Variants in BUD13 observed in about 807,000 individuals in gnomAD.
BUD13 encodes BUD13 homolog.
In BUD13, 47 loss-of-function variants were observed where a neutral mutation model predicts 62.5. That is an observed-to-expected ratio of 0.75 (90% CI 0.60 to 0.96). The LOEUF (loss-of-function observed/expected upper bound fraction) is 0.96. Ranked by LOEUF, BUD13 falls within the 40% of genes least tolerant of loss-of-function variation. BUD13 has a pLI of 0.00. For missense variants in BUD13, 821 were observed against 790.9 expected (o/e 1.04, Z -0.46); for synonymous variants, 293 against 280.1 (o/e 1.05, Z -0.46).
chr11:116,771,202 T>C (rs916295630), intron 1 of BUD13, among the ~76,000 whole-genome samples: 1 of 152,228 alleles, frequency 6.6e-6, no homozygotes, highest in Non-Finnish European at 1.5e-5. Flanking sequence ...TAAGAACCCT[T>C]GTTAAAAACT....
At chr11:116,759,040 G>T in intron 6 of BUD13, 34 bp downstream of exon 6, 4 of 1,455,854 alleles carry the variant, frequency 2.7e-6, no homozygotes, top group African/African-American at 2.8e-5. Flanking sequence ...AACAGTATGA[G>T]CCTAAATTGG....
rs767610401 is a variant in BUD13, at chr11:116,763,132, TAGG to T, written c.454_456del (p.Pro152del). The T allele has an allele frequency of 1.6e-5, 25 of 1,597,104 alleles. No individual in the cohort carries two copies. The highest frequency in any genetic ancestry group is 1.2e-4 in the Admixed American group (7 of 59,502). On this transcript the variant is annotated inframe_deletion, in exon 4 of 10. Transcript: ENST00000260210. ...TCCGGGGTGTCATGACGGGCCCTCC[TAGG>T]AGATGGATCCGGGGTGTCATGACGG...
At chr11:116,760,202 T>C (rs890493813) in intron 5 of BUD13, among the ~76,000 whole-genome samples, 2 of 152,256 alleles carry the variant, frequency 1.3e-5, no homozygotes, top group Non-Finnish European at 2.9e-5. Context: ...ACTAGATGCT[T>C]ACTTTGTCCC....
chr11:116,772,204 G>T (rs973911977), intron 1 of BUD13, among the ~76,000 whole-genome samples: 2 of 152,116 alleles, frequency 1.3e-5, no homozygotes, highest in African/African-American at 4.8e-5. Context: ...GGTTCTGGGT[G>T]GAAAACGATT....
rs191104518 is a variant in BUD13, at chr11:116,771,225, T to C, written c.144-1003A>G. 3.4e-3 allele frequency among the ~76,000 whole-genome samples: 517 copies of C among 152,360 alleles called. 3 individuals are homozygous for C. The highest frequency in any genetic ancestry group is 0.012 in the African/African-American group (493 of 41,586). The stretch of plus-strand genomic sequence containing the variant: ...CTTGTTAAAAACTCTTGGAATACTT[T>C]CATTGCATTTATCATAAAGAAAATA... On this transcript the variant is annotated intron_variant, in intron 1 of 9. Coordinates refer to ENST00000260210, the MANE Select transcript of BUD13 (RefSeq NM_032725.4).
chr11:116,755,974 C>T (rs1041504511), intron 9 of BUD13, among the ~76,000 whole-genome samples: 1 of 152,004 alleles, frequency 6.6e-6, no homozygotes, highest in African/African-American at 2.4e-5. Context: ...TTTGGGAAAT[C>T]GAGGCAGACA....
intron 5 of BUD13, among the ~76,000 whole-genome samples, chr11:116,759,416 G>A (rs532844060): frequency 2.6e-5 from 4 of 152,286 alleles, no homozygotes; most frequent in Admixed American, 6.5e-5. Flanking sequence ...GGAGGGCTAC[G>A]CATTTGTATT....
intron 2 of BUD13, among the ~76,000 whole-genome samples, 164 bp from the exon 3 acceptor site, chr11:116,765,610 T>C (rs1427225562): frequency 6.6e-6 from 1 of 152,218 alleles, no homozygotes; most frequent in East Asian, 1.9e-4. Flanking sequence ...TTATGTTTGC[T>C]CCATAAACAT....
rs11341725 is a variant in BUD13, at chr11:116,767,187, C to CAA, written c.238-1743_238-1742dup. 3.8e-4 allele frequency among the ~76,000 whole-genome samples: 50 copies of CAA among 130,844 alleles called. 1 individual carries two copies. The highest frequency in any genetic ancestry group is 1.3e-3 in the African/African-American group (47 of 36,606). The allele number at this position is 130,844 out of a possible 152,430, so 85.8% of individuals were successfully genotyped here. ...TTGGTGACAGTGTGAGAATATGTCT[C>CAA]AAAAAAAAAAAATAATAAAAACAAT... On this transcript the variant is annotated intron_variant, in intron 2 of 9. Coordinates refer to ENST00000260210, the MANE Select transcript of BUD13 (RefSeq NM_032725.4).
In BUD13 at chr11:116,761,022, T is replaced by A. The variant is rs1284478179; in HGVS notation, c.1037-70A>T. On this transcript the variant is annotated intron_variant, in intron 4 of 9. Transcript: ENST00000260210. ...TGAAGAACTTACATGAAATCTCCTA[T>A]GGCTGGGAGAAGAACCTAGAAATTA... 3.4e-5 allele frequency: 43 copies of A among 1,261,968 alleles called. 1 individual carries two copies. The South Asian group carries it at 5.4e-4, about 16-fold the overall frequency. 78.2% of individuals were successfully genotyped at this position (1,261,968 alleles called of 1,614,324 possible). A position where few individuals can be genotyped will look rare whatever the true frequency, so the allele number is the denominator to read the frequency against.
chr11:116,753,995 T>G (rs1940284265), intron 9 of BUD13, among the ~76,000 whole-genome samples: 1 of 152,184 alleles, frequency 6.6e-6, no homozygotes, highest in Non-Finnish European at 1.5e-5. Context: ...AAGGAAACAT[T>G]CAGAAGATAG....
rs1940413307 is a variant in BUD13, at chr11:116,760,716, G to A, written c.1254+19C>T. 3.7e-6 allele frequency: 6 copies of A among 1,612,064 alleles called. No homozygotes were observed. Among genetic ancestry groups the A allele is most frequent in the Non-Finnish European group, 4.2e-6 (5 of 1,178,160 alleles). On this transcript the variant is annotated intron_variant, in intron 5 of 9. Coordinates refer to ENST00000260210, the MANE Select transcript of BUD13 (RefSeq NM_032725.4). The stretch of plus-strand genomic sequence containing the variant: ...AAGAGTCACACGAAAAGAAGGACAT[G>A]GCTCCTGAAAATCCTGACCTTCTTT...
In BUD13 at chr11:116,760,729, C is replaced by A. The variant is rs868376033; in HGVS notation, c.1254+6G>T. 6.2e-7 allele frequency: 1 copy of A among 1,614,042 alleles called. No individual in the cohort carries two copies. The highest frequency in any genetic ancestry group is 8.5e-7 in the Non-Finnish European group (1 of 1,179,934). On this transcript the variant is annotated splice_donor_region_variant and intron_variant, in intron 5 of 9. Transcript: ENST00000260210. ...AAAGAAGGACATGGCTCCTGAAAAT[C>A]CTGACCTTCTTTCCAGGAGGCTGAC... is the stretch of plus-strand genomic sequence containing the variant.
chr11:116,759,151 G>C lies in BUD13; in HGVS notation c.1283C>G (p.Thr428Ser). 1 of 1,614,058 alleles carries C rather than the reference G, an allele frequency of 6.2e-7. No individual in the cohort carries two copies. The highest frequency in any genetic ancestry group is 1.6e-4 in the Middle Eastern group (1 of 6,062). The change falls in exon 6 of 10, where the codon ACT becomes AGT. Residue 428 changes from threonine (T) to serine (S), a missense_variant. Thr to Ser is a moderately conservative substitution (Grantham distance 58, BLOSUM62 1). Transcript: ENST00000260210. ...KAAHMYSGAK[T>S]GLVLTDIQRE... is the part of the protein sequence containing the mutation. Reference sequence around the variant, plus strand: ...CTGTATGTCAGTTAACACCAACCCAGTTTTAGCCCCAGAATACATGTGTGC... The same window carrying C: ...CTGTATGTCAGTTAACACCAACCCACTTTTAGCCCCAGAATACATGTGTGC...
At position 116,772,834 on chromosome 11, in the gene BUD13, GC is replaced by G; in HGVS notation, c.130del (p.Ala44ProfsTer13). ...RRKKRPKPGG[A>X]GGKGMRIVDD... ...GGTACCAACTCACCCCTTGCCGCCG[GC>G]CCCGCCAGGCTTCGGCCGCTTTTTG... On this transcript the variant is annotated frameshift_variant, in exon 1 of 10. Transcript: ENST00000260210. LOFTEE classifies it high-confidence loss of function. 6.3e-7 allele frequency: 1 copy of G among 1,577,904 alleles called. No individual in the cohort carries two copies. Among genetic ancestry groups the G allele is most frequent in the East Asian group, 2.4e-5 (1 of 41,842 alleles).
At chr11:116,758,796 TA>T (rs1006505102) in intron 6 of BUD13, among the ~76,000 whole-genome samples, 1 of 151,934 alleles carries the variant, frequency 6.6e-6, no homozygotes, top group Non-Finnish European at 1.5e-5. Flanking sequence ...TTCATCATGT[TA>T]GCCAGGCTGG....
chr11:116,760,898 C>CGG lies in BUD13; in HGVS notation c.1090_1091insCC (p.Ser364ThrfsTer70), dbSNP rs776372936. 1.2e-6 allele frequency: 2 copies of CGG among 1,614,056 alleles called. No homozygotes were observed. Among genetic ancestry groups the CGG allele is most frequent in the Non-Finnish European group, 1.7e-6 (2 of 1,179,988 alleles). Reference sequence around the variant, plus strand: ...TGAATCAGAATCCTGGTGCCCTGGACTTTGTTTATGCCGTGGAGAAGAAAG... The same window carrying CGG: ...TGAATCAGAATCCTGGTGCCCTGGACGGTTTGTTTATGCCGTGGAGAAGAAAG... On this transcript the variant is annotated frameshift_variant, in exon 5 of 10. Coordinates refer to ENST00000260210, the MANE Select transcript of BUD13 (RefSeq NM_032725.4). LOFTEE classifies it high-confidence loss of function.
chr11:116,764,630 T>C (rs1482536997), intron 3 of BUD13, among the ~76,000 whole-genome samples: 2 of 152,148 alleles, frequency 1.3e-5, no homozygotes, highest in Non-Finnish European at 2.9e-5. Context: ...AAGATTCTCT[T>C]TGGAAAAGAA....
chr11:116,755,240 T>C (rs1028729253), intron 9 of BUD13, among the ~76,000 whole-genome samples: 2 of 152,222 alleles, frequency 1.3e-5, no homozygotes, highest in East Asian at 1.9e-4. Context: ...AAGTGTAAAT[T>C]AGAATTCTGA....
Sources: gnomAD v4.1 joint callset for allele counts (sites outside exome capture counted in the v4.1 genomes callset) on GRCh38, gnomAD v4.1.1 for gene constraint, MANE v1.5 for transcripts, NCBI Gene and HGNC (gene_info 2026-07-23, HGNC 2026-07-21) for gene names.